Variants in SDK1 observed in about 807,000 individuals in gnomAD.
SDK1 encodes sidekick cell adhesion molecule 1.
Under a neutral mutation model 245.5 loss-of-function variants are expected in SDK1, and 157 were observed. The ratio of observed to expected loss-of-function variants is 0.64; its 90% confidence interval spans 0.56 to 0.73. The LOEUF is 0.73. SDK1 is among the 30% of genes least tolerant of loss of function. The probability of loss-of-function intolerance (pLI) is 0.00; values close to 1 mark genes in which losing one functional copy is unlikely to be tolerated. For missense variants in SDK1, 3,583 were observed against 3,002.3 expected (o/e 1.19, Z -4.52); for synonymous variants, 1,647 against 1,278.5 (o/e 1.29, Z -6.15).
intron 35 of SDK1, among the ~76,000 whole-genome samples, chr7:4,201,378 A>G (rs1783870702): frequency 6.6e-6 from 1 of 152,232 alleles, no homozygotes; most frequent in South Asian, 2.1e-4. Context: ...TCTATTTCCC[A>G]TAGTTCCTTA....
chr7:3,481,511 T>C (rs960461168), intron 1 of SDK1, among the ~76,000 whole-genome samples: 1 of 152,238 alleles, frequency 6.6e-6, no homozygotes, highest in African/African-American at 2.4e-5. Flanking sequence ...GCCTCCTGCC[T>C]GGTGGCTACC....
intron 4 of SDK1, among the ~76,000 whole-genome samples, chr7:3,732,422 T>A (rs567772915): frequency 3.7e-4 from 57 of 152,358 alleles, no homozygotes; most frequent in East Asian, 2.9e-3. Flanking sequence ...GAAGATTTTT[T>A]AAAAACTTGA....
At chr7:3,793,288 C>G (rs1468602975) in intron 4 of SDK1, among the ~76,000 whole-genome samples, 1 of 152,098 alleles carries the variant, frequency 6.6e-6, no homozygotes, top group Non-Finnish European at 1.5e-5. Context: ...AGCTTTAAAT[C>G]TTGTCTTCCA....
chr7:3,397,389 C>G (rs1205964445), intron 1 of SDK1, among the ~76,000 whole-genome samples: 1 of 151,706 alleles, frequency 6.6e-6, no homozygotes, highest in Non-Finnish European at 1.5e-5. Context: ...GACAAATTCT[C>G]TCATTTTTTC....
chr7:3,572,094 G>C (rs1352020543), intron 1 of SDK1, among the ~76,000 whole-genome samples: 1 of 152,052 alleles, frequency 6.6e-6, no homozygotes, highest in Non-Finnish European at 1.5e-5. Flanking sequence ...TTTTACATCA[G>C]CAAGAAATGA....
At chr7:3,743,461 CT>C (rs1482220973) in intron 4 of SDK1, among the ~76,000 whole-genome samples, 1 of 152,052 alleles carries the variant, frequency 6.6e-6, no homozygotes, top group Non-Finnish European at 1.5e-5. Flanking sequence ...TAGAGTGGAC[CT>C]TTTACTTTAA....
intron 10 of SDK1, among the ~76,000 whole-genome samples, chr7:3,968,747 T>A (rs962328015): frequency 1.3e-5 from 2 of 152,242 alleles, no homozygotes; most frequent in African/African-American, 2.4e-5. Context: ...TGCTAGCAGG[T>A]ACTGCTTCAG....
intron 4 of SDK1, among the ~76,000 whole-genome samples, chr7:3,686,976 T>C (rs931821679): frequency 6.6e-6 from 1 of 150,956 alleles, no homozygotes; most frequent in Non-Finnish European, 1.5e-5. Flanking sequence ...GATGGGAACT[T>C]CAACTTGATC....
intron 13 of SDK1, among the ~76,000 whole-genome samples, chr7:3,984,341 C>G (rs1400367151): frequency 2.0e-5 from 3 of 152,174 alleles, no homozygotes; most frequent in Non-Finnish European, 2.9e-5. Flanking sequence ...GTCCACCCAC[C>G]TGGCAGATGG....
chr7:3,385,909 A>T (rs913253158), intron 1 of SDK1, among the ~76,000 whole-genome samples: 1 of 152,124 alleles, frequency 6.6e-6, no homozygotes, highest in African/African-American at 2.4e-5. Context: ...GTTAGTTAGT[A>T]GTCATACTTC....
chr7:3,874,546 G>A (rs746735726), intron 5 of SDK1, among the ~76,000 whole-genome samples: 1 of 152,142 alleles, frequency 6.6e-6, no homozygotes, highest in African/African-American at 2.4e-5. Flanking sequence ...TACCTGTCAT[G>A]CTGGGCCTAG....
chr7:4,156,163 T>G (rs1051597191), intron 30 of SDK1, among the ~76,000 whole-genome samples: 1 of 152,064 alleles, frequency 6.6e-6, no homozygotes, highest in African/African-American at 2.4e-5. Flanking sequence ...AGTTTGACTT[T>G]GGGGTCCACA....
chr7:4,006,148 C>CT (rs1583805709), intron 14 of SDK1, among the ~76,000 whole-genome samples: 1 of 152,176 alleles, frequency 6.6e-6, no homozygotes, highest in East Asian at 1.9e-4. Context: ...TGATAATGCT[C>CT]TTTTTTATTG....
chr7:3,968,293 G>T (rs746062168), intron 10 of SDK1, among the ~76,000 whole-genome samples: 6 of 152,240 alleles, frequency 3.9e-5, no homozygotes, highest in Non-Finnish European at 7.3e-5. Flanking sequence ...CCCGTTCCAT[G>T]AGGGCCACTG....
chr7:3,334,672 A>T (rs1780154078), intron 1 of SDK1, among the ~76,000 whole-genome samples: 1 of 152,080 alleles, frequency 6.6e-6, no homozygotes, highest in African/African-American at 2.4e-5. Context: ...GTGGCAGCTC[A>T]TTCTGTTCCC....
At chr7:3,888,639 C>G (rs1448757188) in intron 5 of SDK1, among the ~76,000 whole-genome samples, 1 of 152,084 alleles carries the variant, frequency 6.6e-6, no homozygotes, top group African/African-American at 2.4e-5. Flanking sequence ...ATAAATTATA[C>G]AAGAATAGGA....
chr7:4,019,898 C>T (rs944687898), intron 17 of SDK1, among the ~76,000 whole-genome samples: 1 of 152,182 alleles, frequency 6.6e-6, no homozygotes, highest in African/African-American at 2.4e-5. Flanking sequence ...TGTGGAAACA[C>T]AGGTGGCCCC....
intron 22 of SDK1, among the ~76,000 whole-genome samples, chr7:4,103,411 A>C (rs1782701301): frequency 6.6e-6 from 1 of 152,194 alleles, no homozygotes; most frequent in Non-Finnish European, 1.5e-5. Flanking sequence ...TGGCCTTGAA[A>C]TCTAACTAGA....
In SDK1 at chr7:3,970,378, C is replaced by T. The variant is rs1782392295; in HGVS notation, c.1714+954C>T. On this transcript the variant is annotated intron_variant, in intron 11 of 44. Transcript: ENST00000404826. ...ATCATGCGTTTAAAGGAAATTAATCCAAGTTCCCACTATTCTGTCAAGTAC... is the reference window on the plus strand; with the variant it reads ...ATCATGCGTTTAAAGGAAATTAATCTAAGTTCCCACTATTCTGTCAAGTAC... Among the ~76,000 whole-genome samples, 4 of 152,288 alleles carry T rather than the reference C, an allele frequency of 2.6e-5. No individual in the cohort carries two copies. In the South Asian group the frequency reaches 8.3e-4, roughly 32 times the overall value.
Sources: gnomAD v4.1 joint callset for allele counts (sites outside exome capture counted in the v4.1 genomes callset) on GRCh38, gnomAD v4.1.1 for gene constraint, MANE v1.5 for transcripts, NCBI Gene and HGNC (gene_info 2026-07-23, HGNC 2026-07-21) for gene names.